Variants in EVI5 observed in about 807,000 individuals in gnomAD.
EVI5 encodes the protein ecotropic viral integration site 5 protein homolog.
EVI5 carries 73 observed loss-of-function variants against 112.0 expected under a neutral mutation model. The observed-to-expected ratio is 0.65, with a 90% CI of 0.54 to 0.79. EVI5 has a LOEUF of 0.79. Ranked by LOEUF, EVI5 falls within the 30% of genes least tolerant of loss-of-function variation. The pLI is 0.00. For synonymous variants in EVI5, 305 were observed against 319.9 expected, an observed-to-expected ratio of 0.95 and a Z score of 0.50; for missense variants, 900 against 968.8, an observed-to-expected ratio of 0.93 and a Z score of 0.94.
chr1:92,622,873 T>C (rs1234997174), intron 16 of EVI5, among the ~76,000 whole-genome samples: 1 of 152,230 alleles, frequency 6.6e-6, no homozygotes, highest in African/African-American at 2.4e-5. Flanking sequence ...CTAGTCTCCG[T>C]AGCAATTCCT....
Position 92,702,716 on chromosome 1 carries a change from G to C in EVI5, c.565-501C>G, listed in dbSNP as rs531324629. Among the ~76,000 whole-genome samples, 16 of 151,054 alleles carry C rather than the reference G, an allele frequency of 1.1e-4. No individual in the cohort carries two copies. In the South Asian group the frequency reaches 2.9e-3, roughly 27 times the overall value. On this transcript the variant is annotated intron_variant, in intron 4 of 19. Transcript: ENST00000684568. ...AGCTACTAGGGAGGCTGAGGCAGGA[G>C]AATTGCTTGAACCTGGGAGGTGGAG...
At chr1:92,664,503 A>T (rs1181034138) in intron 11 of EVI5, among the ~76,000 whole-genome samples, 1 of 149,568 alleles carries the variant, frequency 6.7e-6, no homozygotes, top group African/African-American at 2.4e-5. Context: ...AAAAAAAACT[A>T]AGAAGATGCA....
At chr1:92,562,489 C>T (rs1293323332) in intron 19 of EVI5, among the ~76,000 whole-genome samples, 1 of 151,990 alleles carries the variant, frequency 6.6e-6, no homozygotes, top group Non-Finnish European at 1.5e-5. Flanking sequence ...GAGATTGCAC[C>T]ACTGCACTCC....
intron 1 of EVI5, among the ~76,000 whole-genome samples, chr1:92,744,100 G>A (rs1165497572): frequency 6.6e-6 from 1 of 151,998 alleles, no homozygotes; most frequent in Non-Finnish European, 1.5e-5. Flanking sequence ...TAATTCCCAA[G>A]TATTTTCAGA....
intron 10 of EVI5, among the ~76,000 whole-genome samples, chr1:92,669,541 C>G (rs1665488590): frequency 1.4e-4 from 1 of 7,278 alleles, no homozygotes. Context: ...GAGCAAGGCT[C>G]TGTCTCAAAA....
intron 16 of EVI5, among the ~76,000 whole-genome samples, chr1:92,608,330 TG>T (rs1264164984): frequency 6.6e-6 from 1 of 152,126 alleles, no homozygotes; most frequent in African/African-American, 2.4e-5. Flanking sequence ...AGATTGGCAA[TG>T]GGAGTACAAA....
chr1:92,710,086 C>CAA lies in EVI5; in HGVS notation c.150-5344_150-5343dup, dbSNP rs71091297. Among the ~76,000 whole-genome samples the CAA allele has an allele frequency of 1.2e-4, 10 of 82,810 alleles. 1 individual carries two copies. Among genetic ancestry groups the CAA allele is most frequent in the Admixed American group, 5.3e-4 (3 of 5,664 alleles). The allele number at this position is 82,810 out of a possible 152,430, so 54.3% of individuals were successfully genotyped here. A position where few individuals can be genotyped will look rare whatever the true frequency, so the allele number is the denominator to read the frequency against. Reference sequence around the variant, plus strand: ...TGCCTTACATGGATTTATTGCAAAGCAAAAAAAAAAAAAAGGGAGGCCGAG... The same window carrying CAA: ...TGCCTTACATGGATTTATTGCAAAGCAAAAAAAAAAAAAAAAGGGAGGCCGAG... On this transcript the variant is annotated intron_variant, in intron 2 of 19. Coordinates refer to ENST00000684568, the MANE Select transcript of EVI5 (RefSeq NM_001350197.2).
At chr1:92,537,234 C>CA (rs1435029123) in intron 19 of EVI5, among the ~76,000 whole-genome samples, 5 of 152,094 alleles carry the variant, frequency 3.3e-5, no homozygotes, top group African/African-American at 1.2e-4. Context: ...AAGTGAACTG[C>CA]AAAACAGTTG....
chr1:92,618,297 G>C (rs572349934), intron 16 of EVI5, among the ~76,000 whole-genome samples: 1 of 152,258 alleles, frequency 6.6e-6, no homozygotes, highest in Admixed American at 6.5e-5. Context: ...TGCTGGCCTA[G>C]AGGTCTTAGT....
chr1:92,556,649 C>A (rs1388160505), intron 19 of EVI5, among the ~76,000 whole-genome samples: 1 of 151,996 alleles, frequency 6.6e-6, no homozygotes, highest in Non-Finnish European at 1.5e-5. Context: ...TTCAAAAATT[C>A]CAGTTTAGTA....
At chr1:92,725,992 G>A (rs2102733051) in intron 2 of EVI5, among the ~76,000 whole-genome samples, 1 of 152,290 alleles carries the variant, frequency 6.6e-6, no homozygotes, top group East Asian at 1.9e-4. Context: ...TAGCAACTTA[G>A]ATATGGCAAA....
At chr1:92,658,804 G>T in intron 13 of EVI5, among the ~76,000 whole-genome samples, 1 of 152,052 alleles carries the variant, frequency 6.6e-6, no homozygotes, top group Middle Eastern at 3.2e-3. Flanking sequence ...CAATACTGGA[G>T]ATATTGCATT....
chr1:92,769,443 T>C (rs1463477386), intron 1 of EVI5, among the ~76,000 whole-genome samples: 1 of 152,240 alleles, frequency 6.6e-6, no homozygotes, highest in Non-Finnish European at 1.5e-5. Flanking sequence ...TGTCAGTATT[T>C]GTGGTACGAA....
intron 16 of EVI5, among the ~76,000 whole-genome samples, chr1:92,615,844 A>G (rs957443473): frequency 6.6e-6 from 1 of 152,174 alleles, no homozygotes; most frequent in African/African-American, 2.4e-5. Flanking sequence ...GAGGTGTGCT[A>G]CACTTGAAAA....
At chr1:92,575,688 C>T (rs1049276270) in intron 18 of EVI5, among the ~76,000 whole-genome samples, 1 of 149,178 alleles carries the variant, frequency 6.7e-6, no homozygotes, top group African/African-American at 2.5e-5. Flanking sequence ...TCATGCCTCC[C>T]GAGTAGCTGG....
rs138477447 is a variant in EVI5 at position 92,573,155 on chromosome 1, A to C, written c.2071-9418T>G. Among the ~76,000 whole-genome samples the C allele has an allele frequency of 1.7e-3, 255 of 152,206 alleles. 1 individual carries two copies. The highest frequency in any genetic ancestry group is 5.9e-3 in the African/African-American group (246 of 41,566). On this transcript the variant is annotated intron_variant, in intron 18 of 19. Transcript: ENST00000684568. The stretch of plus-strand genomic sequence containing the variant: ...AAAATATTTAAAACAGTGATCCCCA[A>C]AGATAATTAGAGAAGTATCACTTTA...
At chr1:92,717,670 A>T (rs924952945) in intron 2 of EVI5, among the ~76,000 whole-genome samples, 2 of 152,214 alleles carry the variant, frequency 1.3e-5, no homozygotes, top group Non-Finnish European at 2.9e-5. Flanking sequence ...CATCATAATG[A>T]CAGGATCAAA....
upstream of EVI5, among the ~76,000 whole-genome samples, chr1:92,788,177 TA>T (rs545058399): frequency 3.6e-3 from 553 of 152,070 alleles, 3 homozygotes; most frequent in Non-Finnish European, 5.9e-3. Context: ...TTAAAAACTA[TA>T]AAAAATAGTG....
chr1:92,669,547 C>CAAAAAAAAAAAGAAAAAAAAAAA lies in EVI5; in HGVS notation c.1159-3556_1159-3555insTTTTTTTTTTTCTTTTTTTTTTT, dbSNP rs1665498623. 3.9e-5 allele frequency among the ~76,000 whole-genome samples: 2 copies of CAAAAAAAAAAAGAAAAAAAAAAA among 51,810 alleles called. 1 individual carries two copies. Among genetic ancestry groups the CAAAAAAAAAAAGAAAAAAAAAAA allele is most frequent in the Non-Finnish European group, 6.3e-5 (2 of 31,606 alleles). 34.0% of individuals were successfully genotyped at this position (51,810 alleles called of 152,430 possible). A position where few individuals can be genotyped will look rare whatever the true frequency, so the allele number is the denominator to read the frequency against. The stretch of plus-strand genomic sequence containing the variant: ...TGGGCAACGGAGCAAGGCTCTGTCT[C>CAAAAAAAAAAAGAAAAAAAAAAA]AAAAAAAAAAAAAATCACTGGGAAA... On this transcript the variant is annotated intron_variant, in intron 10 of 19. Coordinates refer to ENST00000684568, the MANE Select transcript of EVI5 (RefSeq NM_001350197.2).
Sources: gnomAD v4.1 joint callset for allele counts (sites outside exome capture counted in the v4.1 genomes callset) on GRCh38, gnomAD v4.1.1 for gene constraint, MANE v1.5 for transcripts, NCBI Gene and HGNC (gene_info 2026-07-23, HGNC 2026-07-21) for gene names.